Variants in SNTG1 observed in about 807,000 individuals in gnomAD.
SNTG1 encodes the protein syntrophin gamma 1, also known as gamma-1-syntrophin.
SNTG1 carries 39 observed loss-of-function variants against 74.7 expected under a neutral mutation model. That is an observed-to-expected ratio of 0.52 (90% confidence interval 0.40 to 0.68). The LOEUF is 0.68. SNTG1 is among the 30% of genes least tolerant of loss of function. The probability of loss-of-function intolerance (pLI) is 0.00; values close to 1 mark genes in which losing one functional copy is unlikely to be tolerated. For missense variants in SNTG1, 685 were observed against 609.5 expected (o/e 1.12, Z -1.30); for synonymous variants, 254 against 217.1 (o/e 1.17, Z -1.49).
intron 2 of SNTG1, among the ~76,000 whole-genome samples, chr8:50,302,505 A>G (rs2089695225): frequency 6.6e-6 from 1 of 152,144 alleles, no homozygotes; most frequent in Admixed American, 6.6e-5. Context: ...CCCTGGTTAA[A>G]CTACCAAGCA....
At chr8:50,316,026 C>A (rs2090306434) in intron 2 of SNTG1, among the ~76,000 whole-genome samples, 2 of 152,122 alleles carry the variant, frequency 1.3e-5, no homozygotes, top group Non-Finnish European at 2.9e-5. Context: ...TTTCAAGAAA[C>A]CAACTTTTAA....
In SNTG1 at chr8:50,106,939, C is replaced by T. The variant is rs186617492; in HGVS notation, c.-102-65622C>T. Reference sequence around the variant, plus strand: ...TGCCATAAACAGGTTTGGAGACAAACAGAGCTGATTAACTCTTGTTCCTAA... The same window carrying T: ...TGCCATAAACAGGTTTGGAGACAAATAGAGCTGATTAACTCTTGTTCCTAA... On this transcript the variant is annotated intron_variant, in intron 1 of 18. Transcript: ENST00000642720. Among the ~76,000 whole-genome samples, 304 of 152,182 alleles carry T rather than the reference C, an allele frequency of 2.0e-3. 5 individuals are homozygous for T. The highest frequency in any genetic ancestry group is 0.018 in the Admixed American group (267 of 15,256).
In SNTG1 at chr8:50,563,174, T is replaced by G. The variant is rs548936044; in HGVS notation, c.810+9995T>G. 7.2e-5 allele frequency among the ~76,000 whole-genome samples: 11 copies of G among 152,272 alleles called. No homozygotes were observed. In the South Asian group the frequency reaches 8.3e-4, roughly 11 times the overall value. ...GAGTGTCTGTGAAGATGGGGCCTAG[T>G]GCTGGCTGGCTCAGATCACACAGCA... On this transcript the variant is annotated intron_variant, in intron 12 of 18. Coordinates refer to ENST00000642720, the MANE Select transcript of SNTG1 (RefSeq NM_018967.5).
chr8:50,394,106 C>T, intron 2 of SNTG1, 106 bp from the exon 3 acceptor site: 1 of 781,754 alleles, frequency 1.3e-6, no homozygotes. Flanking sequence ...TGGTTGTAAA[C>T]ACAGTTTTCC....
rs185962470 is a variant in SNTG1, at chr8:50,537,164, G to C, written c.680+356G>C. Among the ~76,000 whole-genome samples, 105 of 152,204 alleles carry C rather than the reference G, an allele frequency of 6.9e-4. 2 individuals carry two copies. Among genetic ancestry groups the C allele is most frequent in the Non-Finnish European group, 4.3e-4 (29 of 68,004 alleles). On this transcript the variant is annotated intron_variant, in intron 11 of 18. Coordinates refer to ENST00000642720, the MANE Select transcript of SNTG1 (RefSeq NM_018967.5). The stretch of plus-strand genomic sequence containing the variant: ...TTTTGAGGCAAGGTCTAGCTCTGTT[G>C]CCCTAGCTGGAGTGCAGAGGGGTGA...
At chr8:49,971,412 A>T (rs1265014129) in intron 1 of SNTG1, among the ~76,000 whole-genome samples, 1 of 152,228 alleles carries the variant, frequency 6.6e-6, no homozygotes, top group East Asian at 1.9e-4. Context: ...CCAATATCAT[A>T]CTGAATGGGC....
chr8:50,101,699 C>A (rs112137877), intron 1 of SNTG1, among the ~76,000 whole-genome samples: 11,732 of 151,508 alleles, frequency 0.077, 1,453 homozygotes, highest in African/African-American at 0.27. Flanking sequence ...CTAATGCTAT[C>A]CCTCCCCCCT....
chr8:50,060,666 C>G (rs949331645), intron 1 of SNTG1, among the ~76,000 whole-genome samples: 3 of 151,262 alleles, frequency 2.0e-5, no homozygotes, highest in East Asian at 3.9e-4. Context: ...CACTATTAGG[C>G]CTTTCACTTG....
chr8:50,568,049 C>T (rs1374792999), intron 12 of SNTG1, among the ~76,000 whole-genome samples: 1 of 152,066 alleles, frequency 6.6e-6, no homozygotes. Context: ...ATATTCTACT[C>T]TCTACTTCTG....
intron 1 of SNTG1, among the ~76,000 whole-genome samples, chr8:50,098,678 A>C (rs1021872507): frequency 6.6e-6 from 1 of 152,142 alleles, no homozygotes; most frequent in African/African-American, 2.4e-5. Flanking sequence ...AGACAAGCTC[A>C]TTTCATAATG....
chr8:50,658,783 A>C, intron 15 of SNTG1, 120 bp downstream of exon 15: 1 of 654,404 alleles, frequency 1.5e-6, no homozygotes. Flanking sequence ...CACGATAAAG[A>C]CAAATGAAAG....
chr8:50,702,077 C>A (rs906623213), intron 15 of SNTG1, among the ~76,000 whole-genome samples: 1 of 118 alleles, frequency 8.5e-3, no homozygotes. Context: ...TCTGGAACTC[C>A]CCAACCTCAA....
At chr8:50,238,800 AAAAC>A in intron 2 of SNTG1, among the ~76,000 whole-genome samples, 1 of 152,184 alleles carries the variant, frequency 6.6e-6, no homozygotes, top group Non-Finnish European at 1.5e-5. Context: ...TTGCAAGAAG[AAAAC>A]AAACAACCCC....
At chr8:50,777,207 G>C (rs1479086174) in intron 18 of SNTG1, among the ~76,000 whole-genome samples, 1 of 142,806 alleles carries the variant, frequency 7.0e-6, no homozygotes, top group Non-Finnish European at 1.5e-5. Flanking sequence ...GGACTCTGAA[G>C]ACATGAATAG....
chr8:50,334,761 G>A (rs980566617), intron 2 of SNTG1, among the ~76,000 whole-genome samples: 1 of 152,130 alleles, frequency 6.6e-6, no homozygotes, highest in Non-Finnish European at 1.5e-5. Flanking sequence ...TTATAAGATT[G>A]TGTGGATTAA....
intron 17 of SNTG1, among the ~76,000 whole-genome samples, chr8:50,743,474 TTAA>T (rs1313666790): frequency 6.6e-6 from 1 of 151,612 alleles, no homozygotes; most frequent in Non-Finnish European, 1.5e-5. Flanking sequence ...ACAAAAAAAC[TTAA>T]TAAACTAGGA....
At chr8:50,408,236 G>A (rs1342179133) in intron 4 of SNTG1, among the ~76,000 whole-genome samples, 1 of 151,730 alleles carries the variant, frequency 6.6e-6, no homozygotes, top group Non-Finnish European at 1.5e-5. Flanking sequence ...ACTTTGGGAA[G>A]CGACTATTAT....
At chr8:50,338,272 G>A (rs2091215336) in intron 2 of SNTG1, among the ~76,000 whole-genome samples, 1 of 152,178 alleles carries the variant, frequency 6.6e-6, no homozygotes, top group Admixed American at 6.5e-5. Context: ...GCTGCAGCAA[G>A]CAGTAAACAC....
At chr8:50,701,591 CTT>C (rs2095424031) in intron 15 of SNTG1, among the ~76,000 whole-genome samples, 1 of 135,008 alleles carries the variant, frequency 7.4e-6, no homozygotes, top group Non-Finnish European at 1.6e-5. Flanking sequence ...TCTTCCTCTT[CTT>C]CTTCTTCTTC....
Sources: gnomAD v4.1 joint callset for allele counts (sites outside exome capture counted in the v4.1 genomes callset) on GRCh38, gnomAD v4.1.1 for gene constraint, MANE v1.5 for transcripts, NCBI Gene and HGNC (gene_info 2026-07-23, HGNC 2026-07-21) for gene names.